TMEM37: variants seen among roughly 807,000 people sequenced by gnomAD.
The protein encoded by TMEM37 is transmembrane protein 37, also known as voltage-dependent calcium channel gamma-like subunit.
TMEM37 carries 12 observed loss-of-function variants against 11.0 expected under a neutral mutation model. The ratio of observed to expected loss-of-function variants is 1.09; its 90% CI spans 0.70 to 1.76. The LOEUF (loss-of-function observed/expected upper bound fraction) is 1.76. Ranked by LOEUF, TMEM37 falls within the 40% of genes most tolerant of loss-of-function variation. The pLI is 0.00. For missense variants in TMEM37, 203 were observed against 251.2 expected (o/e 0.81, Z 1.30); for synonymous variants, 127 against 110.5 (o/e 1.15, Z -0.94).
chr2:119,437,627 T>C lies in TMEM37; in HGVS notation c.*187T>C. On this transcript the variant is annotated 3_prime_UTR_variant, in exon 2 of 2. Transcript: ENST00000306406. ...GGCCCGGGGGCCTCTGCACCTGGTC[T>C]GCAGGGCCAGAGGCCAGGAGGGTGC... 1 of 730,496 alleles carries C rather than the reference T, an allele frequency of 1.4e-6. No homozygotes were observed. Among genetic ancestry groups the C allele is most frequent in the Non-Finnish European group, 2.2e-6 (1 of 456,124 alleles). 45.3% of individuals were successfully genotyped at this position (730,496 alleles called of 1,614,324 possible). A position where few individuals can be genotyped will look rare whatever the true frequency, so the allele number is the denominator to read the frequency against.
chr2:119,432,104 C>T, intron 1 of TMEM37, 180 bp downstream of exon 1: 1 of 400,008 alleles, frequency 2.5e-6, no homozygotes, highest in East Asian at 3.9e-5. Flanking sequence ...GGGCGGGGAG[C>T]AACCTCGGGG....
At chr2:119,433,163 C>G (rs1037685327) in intron 1 of TMEM37, among the ~76,000 whole-genome samples, 2 of 152,156 alleles carry the variant, frequency 1.3e-5, no homozygotes, top group Non-Finnish European at 2.9e-5. Flanking sequence ...AGTTGCCAGA[C>G]GGGGAAGAGG....
intron 1 of TMEM37, among the ~76,000 whole-genome samples, chr2:119,432,742 A>T (rs1682429332): frequency 6.6e-6 from 1 of 152,188 alleles, no homozygotes. Context: ...GCTCAGCCAC[A>T]ACACTGACCT....
Position 119,437,654 on chromosome 2 carries a change from T to C in TMEM37, c.*214T>C, listed in dbSNP as rs1682530913. The C allele has an allele frequency of 1.6e-6, 1 of 610,732 alleles. No individual in the cohort carries two copies. Among genetic ancestry groups the C allele is most frequent in the East Asian group, 2.8e-5 (1 of 35,658 alleles). 37.8% of individuals were successfully genotyped at this position (610,732 alleles called of 1,614,324 possible). On this transcript the variant is annotated 3_prime_UTR_variant, in exon 2 of 2. Coordinates refer to ENST00000306406, the MANE Select transcript of TMEM37 (RefSeq NM_183240.3). ...CAGGGCCAGAGGCCAGGAGGGTGCC[T>C]CAGTGCCACCAACTGCACAGGCTTA...
chr2:119,433,634 C>G (rs1347646862), intron 1 of TMEM37, among the ~76,000 whole-genome samples: 1 of 152,120 alleles, frequency 6.6e-6, no homozygotes, highest in African/African-American at 2.4e-5. Context: ...TTCTATAGGT[C>G]ACTAGAAATC....
chr2:119,436,443 G>A (rs918638330), intron 1 of TMEM37, among the ~76,000 whole-genome samples: 5 of 152,162 alleles, frequency 3.3e-5, no homozygotes, highest in East Asian at 3.9e-4. Context: ...AAACAGAACT[G>A]TGTATTGGTG....
chr2:119,433,458 G>A (rs1682442261), intron 1 of TMEM37, among the ~76,000 whole-genome samples: 1 of 152,186 alleles, frequency 6.6e-6, no homozygotes, highest in Admixed American at 6.5e-5. Context: ...GGGTGATGAG[G>A]GGGAGCAAAT....
chr2:119,432,037 G>A (rs1682410371), intron 1 of TMEM37, 113 bp downstream of exon 1: 1 of 729,496 alleles, frequency 1.4e-6, no homozygotes, highest in Non-Finnish European at 1.9e-6. Context: ...GTCGGGCTGG[G>A]GGTGCGAGCG....
At position 119,436,975 on chromosome 2, in the gene TMEM37, G is replaced by T; in HGVS notation, c.108G>T (p.Leu36=). Residue 36 remains leucine, a synonymous_variant, in exon 2 of 2, where the codon CTG becomes CTT. Transcript: ENST00000306406. ...CCCTCATCATCACGTGTGTGGCCCT[G>T]GCTGTGGTCCTGTCCTCGGTCTCCA... The part of the protein sequence containing the change: ...IRTLIITCVA[L]AVVLSSVSIC... 1 of 1,614,258 alleles carries T rather than the reference G, an allele frequency of 6.2e-7. No individual in the cohort carries two copies. Among genetic ancestry groups the T allele is most frequent in the Non-Finnish European group, 8.5e-7 (1 of 1,180,060 alleles).
rs1276306968 is a variant in TMEM37 at position 119,438,190 on chromosome 2, A to AT, written c.*750_*751insT. 1.3e-5 allele frequency: 2 copies of AT among 152,160 alleles called. No individual in the cohort carries two copies. The highest frequency in any genetic ancestry group is 4.8e-5 in the African/African-American group (2 of 41,404). The allele number at this position is 152,160 out of a possible 1,614,324, so 9.4% of individuals were successfully genotyped here. ...GGTTTCCTTCCGAGAAGAGTTCTTG[A>AT]GCAAGCTCTCCCAGGAGGGCCCACC... On this transcript the variant is annotated 3_prime_UTR_variant, in exon 2 of 2. Transcript: ENST00000306406.
upstream of TMEM37, chr2:119,431,789 C>A: frequency 1.1e-6 from 1 of 882,074 alleles, no homozygotes; most frequent in Non-Finnish European, 1.5e-6. Context: ...CCCCCTCCCG[C>A]CCCGCCCGCC....
chr2:119,438,175 C>G lies in TMEM37; in HGVS notation c.*735C>G, dbSNP rs78916581. 0.018 allele frequency: 2,667 copies of G among 152,298 alleles called. 50 individuals carry two copies. The highest frequency in any genetic ancestry group is 0.022 in the Non-Finnish European group (1,490 of 68,038). 9.4% of individuals were successfully genotyped at this position (152,298 alleles called of 1,614,324 possible). The stretch of plus-strand genomic sequence containing the variant: ...CCCTACCTTAAGGTGGGTTTCCTTC[C>G]GAGAAGAGTTCTTGAGCAAGCTCTC... On this transcript the variant is annotated 3_prime_UTR_variant, in exon 2 of 2. Coordinates refer to ENST00000306406, the MANE Select transcript of TMEM37 (RefSeq NM_183240.3).
upstream of TMEM37, chr2:119,430,460 T>A (rs1233278344): frequency 6.4e-6 from 3 of 472,108 alleles, no homozygotes; most frequent in East Asian, 2.1e-4. Context: ...GGCCAAGCCT[T>A]CCTGTGCCTG....
intron 1 of TMEM37, among the ~76,000 whole-genome samples, chr2:119,433,129 G>A (rs1344102607): frequency 1.3e-5 from 2 of 152,222 alleles, no homozygotes; most frequent in African/African-American, 4.8e-5. Context: ...ATGGGGGAGC[G>A]AATGCTAAAT....
chr2:119,431,201 C>A (rs897544658), upstream of TMEM37, among the ~76,000 whole-genome samples: 1 of 152,040 alleles, frequency 6.6e-6, no homozygotes, highest in African/African-American at 2.4e-5. Context: ...AAAAAATAAC[C>A]ACATTTGTTT....
intron 1 of TMEM37, 57 bp downstream of exon 1, chr2:119,431,981 G>C: frequency 1.8e-6 from 2 of 1,134,416 alleles, no homozygotes; most frequent in Non-Finnish European, 2.2e-6. Flanking sequence ...TGGGAGGTTG[G>C]GGGTGGGAGG....
chr2:119,436,672 G>C (rs1682501600), intron 1 of TMEM37, among the ~76,000 whole-genome samples: 1 of 152,190 alleles, frequency 6.6e-6, no homozygotes, highest in Admixed American at 6.5e-5. Context: ...AGCTCTTAGT[G>C]CCTGGTGAAT....
intron 1 of TMEM37, among the ~76,000 whole-genome samples, chr2:119,435,902 A>G (rs1340482796): frequency 6.6e-6 from 1 of 152,190 alleles, no homozygotes; most frequent in Non-Finnish European, 1.5e-5. Flanking sequence ...CAGGAGCTGC[A>G]GAAGAGCCAC....
At chr2:119,432,834 A>G (rs1682430912) in intron 1 of TMEM37, among the ~76,000 whole-genome samples, 1 of 152,222 alleles carries the variant, frequency 6.6e-6, no homozygotes, top group South Asian at 2.1e-4. Context: ...GCCAAGGAAC[A>G]GAATCAAGAT....
Sources: gnomAD v4.1 joint callset for allele counts (sites outside exome capture counted in the v4.1 genomes callset) on GRCh38, gnomAD v4.1.1 for gene constraint, MANE v1.5 for transcripts, NCBI Gene and HGNC (gene_info 2026-07-23, HGNC 2026-07-21) for gene names.